The following PCDHA13 variants were observed in gnomAD, a reference collection of about 807,000 sequenced individuals.
PCDHA13 encodes protocadherin alpha 13.
A neutral mutation model predicts 64.8 loss-of-function variants in PCDHA13; 54 were observed. The observed-to-expected ratio is 0.83, with a 90% CI of 0.67 to 1.04. PCDHA13 has a LOEUF of 1.04. Ranked by LOEUF, PCDHA13 falls within the 50% of genes least tolerant of loss-of-function variation. The pLI is 0.00. For missense variants in PCDHA13, 1,248 were observed against 1,254.3 expected, an observed-to-expected ratio of 0.99 and a Z score of 0.08; for synonymous variants, 587 against 564.4, an observed-to-expected ratio of 1.04 and a Z score of -0.57.
At chr5:140,889,156 G>T in intron 1 of PCDHA13, among the ~76,000 whole-genome samples, 1 of 150,034 alleles carries the variant, frequency 6.7e-6, no homozygotes, top group Admixed American at 6.6e-5. Flanking sequence ...TTTCTTCTTT[G>T]TTAAGTATTC....
intron 3 of PCDHA13, among the ~76,000 whole-genome samples, chr5:140,983,234 G>C (rs1021819523): frequency 6.6e-6 from 1 of 152,196 alleles, no homozygotes; most frequent in Non-Finnish European, 1.5e-5. Context: ...TTTCAGGAAA[G>C]AGAACCTGCT....
At chr5:140,895,784 T>C (rs2065158516) in intron 1 of PCDHA13, among the ~76,000 whole-genome samples, 1 of 152,166 alleles carries the variant, frequency 6.6e-6, no homozygotes, top group Non-Finnish European at 1.5e-5. Flanking sequence ...TAGTATTCAA[T>C]GACGTATATG....
intron 1 of PCDHA13, among the ~76,000 whole-genome samples, chr5:140,910,210 G>A (rs987095100): frequency 6.6e-6 from 1 of 152,120 alleles, no homozygotes; most frequent in Non-Finnish European, 1.5e-5. Context: ...ACTTGACCTG[G>A]AAGTTTTCTG....
In PCDHA13 at chr5:140,883,108, AT is replaced by A. The variant is rs1261032162; in HGVS notation, c.843del (p.Phe281LeufsTer15). The A allele has an allele frequency of 6.2e-7, 1 of 1,614,018 alleles. No homozygotes were observed. The highest frequency in any genetic ancestry group is 8.5e-7 in the Non-Finnish European group (1 of 1,180,030). On this transcript the variant is annotated frameshift_variant, in exon 1 of 4. Transcript: ENST00000289272. LOFTEE classifies it high-confidence loss of function. Reference sequence around the variant, plus strand: ...GTACAAATGGAGATATAGTTTACTCATTTAGAAGGCCTGTATGGCCTGCAGT... The same window carrying A: ...GTACAAATGGAGATATAGTTTACTCATTAGAAGGCCTGTATGGCCTGCAGT... ...DGTNGDIVYS[F>X]RRPVWPAVVY...
At chr5:140,937,981 T>TA (rs1554211927) in intron 1 of PCDHA13, among the ~76,000 whole-genome samples, 2 of 152,254 alleles carry the variant, frequency 1.3e-5, no homozygotes, top group Non-Finnish European at 2.9e-5. Flanking sequence ...ATACTGATTT[T>TA]ATGTTAACTT....
intron 1 of PCDHA13, chr5:140,927,658 C>T (rs782350503): frequency 5.0e-6 from 8 of 1,614,094 alleles, no homozygotes; most frequent in Non-Finnish European, 6.8e-6. Context: ...ATTCCGAGTT[C>T]AAGCCTTGGA....
chr5:140,971,922 G>A (rs1433994919), intron 1 of PCDHA13, among the ~76,000 whole-genome samples: 1 of 152,120 alleles, frequency 6.6e-6, no homozygotes, highest in Admixed American at 6.5e-5. Context: ...CACACTGCTA[G>A]TGTTATTTTA....
At chr5:140,950,168 T>C (rs2094454639) in intron 1 of PCDHA13, among the ~76,000 whole-genome samples, 1 of 151,996 alleles carries the variant, frequency 6.6e-6, no homozygotes, top group Non-Finnish European at 1.5e-5. Context: ...TTATGTACTT[T>C]AGAGAATTAA....
chr5:140,889,034 T>A (rs1554183750), intron 1 of PCDHA13, among the ~76,000 whole-genome samples: 4 of 152,080 alleles, frequency 2.6e-5, no homozygotes, highest in Non-Finnish European at 5.9e-5. Flanking sequence ...TAACCGTAAT[T>A]TGATTATAAT....
In PCDHA13 at chr5:140,884,357, A is replaced by G. The variant is rs1562803365; in HGVS notation, c.2089A>G (p.Asn697Asp). Residue 697 changes from asparagine to aspartate, a missense_variant, in exon 1 of 4, where the codon AAT becomes GAT. Physicochemically the swap from Asn to Asp is conservative, Grantham distance 23 (BLOSUM62 1). Coordinates refer to ENST00000289272, the MANE Select transcript of PCDHA13 (RefSeq NM_018904.3). ...TCCAGAAGCGGCGCTGGTGGATGTC[A>G]ATGTTTACTTGATCATTGCCATCTG... is the stretch of plus-strand genomic sequence containing the variant. Reference protein sequence around the residue: ...VGPEAALVDVNVYLIIAICAV... With the variant: ...VGPEAALVDVDVYLIIAICAV... 6.2e-7 allele frequency: 1 copy of G among 1,613,864 alleles called. No homozygotes were observed. Among genetic ancestry groups the G allele is most frequent in the Non-Finnish European group, 8.5e-7 (1 of 1,179,842 alleles).
chr5:140,949,809 G>A (rs782774481), intron 1 of PCDHA13, among the ~76,000 whole-genome samples: 1 of 151,712 alleles, frequency 6.6e-6, no homozygotes. Flanking sequence ...TACATTATTT[G>A]CTTTCTATTT....
At chr5:140,989,601 A>C (rs553140269) in intron 3 of PCDHA13, among the ~76,000 whole-genome samples, 14 of 152,318 alleles carry the variant, frequency 9.2e-5, no homozygotes, top group African/African-American at 3.4e-4. Flanking sequence ...ACACAAGTAA[A>C]CTAAAAATGA....
intron 3 of PCDHA13, among the ~76,000 whole-genome samples, chr5:140,984,059 C>A (rs1269975627): frequency 6.6e-6 from 1 of 152,108 alleles, no homozygotes; most frequent in East Asian, 1.9e-4. Flanking sequence ...CAAATCTGTA[C>A]CCTCAGTGCC....
At chr5:140,957,674 T>C (rs2095374808) in intron 1 of PCDHA13, among the ~76,000 whole-genome samples, 1 of 152,084 alleles carries the variant, frequency 6.6e-6, no homozygotes, top group African/African-American at 2.4e-5. Flanking sequence ...AAATTAATTA[T>C]GAAATATCTA....
intron 1 of PCDHA13, among the ~76,000 whole-genome samples, chr5:140,889,581 T>C (rs566040851): frequency 3.0e-4 from 45 of 152,324 alleles, no homozygotes; most frequent in Non-Finnish European, 4.3e-4. Flanking sequence ...ATTTTTGTTT[T>C]TGCTTTGAAA....
intron 1 of PCDHA13, among the ~76,000 whole-genome samples, chr5:140,959,151 C>CAG (rs782425604): frequency 2.0e-4 from 30 of 152,084 alleles, no homozygotes; most frequent in African/African-American, 7.0e-4. Context: ...CCAAAGTGGG[C>CAG]AGATTGCTTG....
intron 1 of PCDHA13, among the ~76,000 whole-genome samples, chr5:140,972,660 ATTTTTTT>A (rs11350929): frequency 8.5e-6 from 1 of 117,268 alleles, no homozygotes; most frequent in Admixed American, 9.2e-5. Flanking sequence ...AAGAAACCAA[ATTTTTTT>A]TTTTTTTTTT....
chr5:140,936,448 T>A (rs1477787930), intron 1 of PCDHA13, among the ~76,000 whole-genome samples: 1 of 152,210 alleles, frequency 6.6e-6, no homozygotes, highest in Non-Finnish European at 1.5e-5. Context: ...AATAACCACA[T>A]CTGTTTAGTG....
At chr5:140,946,165 G>A (rs1554217364) in intron 1 of PCDHA13, among the ~76,000 whole-genome samples, 5 of 151,838 alleles carry the variant, frequency 3.3e-5, no homozygotes, top group African/African-American at 1.2e-4. Flanking sequence ...TTAAAAGATG[G>A]GTAAAGGATG....
Sources: allele counts gnomAD v4.1 joint callset (sites outside exome capture counted in the v4.1 genomes callset), GRCh38; gene constraint gnomAD v4.1.1; transcripts MANE v1.5; gene names NCBI Gene and HGNC (gene_info 2026-07-23, HGNC 2026-07-21).